PDHX: variants seen among roughly 807,000 people sequenced by gnomAD.
PDHX encodes the protein pyruvate dehydrogenase protein X component, mitochondrial.
A neutral mutation model predicts 55.3 loss-of-function variants in PDHX; 33 were observed. The observed-to-expected ratio is 0.60, with a 90% CI of 0.45 to 0.80. The LOEUF (loss-of-function observed/expected upper bound fraction) is 0.80, where lower values mean the gene tolerates loss of function less well. PDHX is among the 30% of genes least tolerant of loss of function. The probability of loss-of-function intolerance (pLI) is 0.00; values close to 1 mark genes in which losing one functional copy is unlikely to be tolerated. For synonymous variants in PDHX, 226 were observed against 219.4 expected, an observed-to-expected ratio of 1.03 and a Z score of -0.27; for missense variants, 622 against 619.9, an observed-to-expected ratio of 1.00 and a Z score of -0.04.
At chr11:34,916,329 T>A (rs1853693951), upstream of PDHX, 3 of 1,605,684 alleles carry the variant, frequency 1.9e-6, no homozygotes, top group East Asian at 6.7e-5. Flanking sequence ...CCGCACGGCT[T>A]TGCGCGCGGC....
chr11:34,982,487 G>T (rs144849582), intron 8 of PDHX, among the ~76,000 whole-genome samples: 1 of 151,998 alleles, frequency 6.6e-6, no homozygotes, highest in African/African-American at 2.4e-5. Context: ...CCGGGAGCTG[G>T]TTTTTTTGAA....
intron 1 of PDHX, among the ~76,000 whole-genome samples, chr11:34,922,833 A>G (rs1477269925): frequency 6.6e-6 from 1 of 150,640 alleles, no homozygotes; most frequent in Non-Finnish European, 1.5e-5. Context: ...TTTGCCTTTT[A>G]CGACAAAATG....
At chr11:34,920,573 C>T (rs571095260) in intron 1 of PDHX, among the ~76,000 whole-genome samples, 9 of 152,212 alleles carry the variant, frequency 5.9e-5, no homozygotes, top group African/African-American at 2.2e-4. Flanking sequence ...TTTTTGTTCT[C>T]TCTTTAAAAT....
chr11:34,970,435 T>C (rs1855233631), intron 7 of PDHX, 149 bp downstream of exon 7: 2 of 685,538 alleles, frequency 2.9e-6, no homozygotes, highest in Non-Finnish European at 4.9e-6. Flanking sequence ...GGTATATTTG[T>C]GCTAGAGGAA....
At chr11:34,993,171 A>T (rs1391543450) in intron 10 of PDHX, among the ~76,000 whole-genome samples, 1 of 151,974 alleles carries the variant, frequency 6.6e-6, no homozygotes, top group Non-Finnish European at 1.5e-5. Flanking sequence ...TAAAAAAATG[A>T]TGTATAGTTC....
At chr11:34,969,722 C>T (rs11032957) in intron 6 of PDHX, among the ~76,000 whole-genome samples, 1 of 151,386 alleles carries the variant, frequency 6.6e-6, no homozygotes, top group African/African-American at 2.4e-5. Context: ...CTTCTCTCTC[C>T]TCTCTCTCTC....
At chr11:34,940,286 C>T (rs1854442508) in intron 2 of PDHX, among the ~76,000 whole-genome samples, 1 of 152,130 alleles carries the variant, frequency 6.6e-6, no homozygotes, top group African/African-American at 2.4e-5. Flanking sequence ...TGTCATGAGA[C>T]AAGGGATTTT....
Position 34,950,666 on chromosome 11 carries a change from A to G in PDHX, c.342+3060A>G, listed in dbSNP as rs1238514261. Among the ~76,000 whole-genome samples, 559 of 151,348 alleles carry G rather than the reference A, an allele frequency of 3.7e-3. 3 individuals carry two copies. The highest frequency in any genetic ancestry group is 9.2e-3 in the Admixed American group (140 of 15,172). ...TTGTGATAGTTTACTGAGAATGATGATTTCCAGTTTCATCCATGTCCCTAC... is the reference window on the plus strand; with the variant it reads ...TTGTGATAGTTTACTGAGAATGATGGTTTCCAGTTTCATCCATGTCCCTAC... On this transcript the variant is annotated intron_variant, in intron 3 of 10. Coordinates refer to ENST00000227868, the MANE Select transcript of PDHX (RefSeq NM_003477.3).
In PDHX at chr11:34,933,256, C is replaced by G. The variant is rs368289270; in HGVS notation, c.241+1772C>G. ...AGGTGATTCTAATTCATTTTTTTCT[C>G]TCTCTTTTTCTCTCTCTCAATTTGC... On this transcript the variant is annotated intron_variant, in intron 2 of 10. Coordinates refer to ENST00000227868, the MANE Select transcript of PDHX (RefSeq NM_003477.3). Among the ~76,000 whole-genome samples, 68 of 152,172 alleles carry G rather than the reference C, an allele frequency of 4.5e-4. 1 individual carries two copies. The highest frequency in any genetic ancestry group is 1.5e-3 in the African/African-American group (64 of 41,532).
chr11:34,959,987 A>G (rs1318611843), intron 4 of PDHX, among the ~76,000 whole-genome samples: 1 of 152,212 alleles, frequency 6.6e-6, no homozygotes, highest in Non-Finnish European at 1.5e-5. Context: ...TGGTTGCACA[A>G]TAGTGTGATT....
upstream of PDHX, chr11:34,916,092 G>A: frequency 1.7e-6 from 2 of 1,163,222 alleles, no homozygotes; most frequent in Admixed American, 2.6e-5. Context: ...GTGCGCCGGG[G>A]TAGCGAACGG....
chr11:34,951,821 A>T (rs1174348865), intron 3 of PDHX, among the ~76,000 whole-genome samples: 1 of 152,076 alleles, frequency 6.6e-6, no homozygotes, highest in Non-Finnish European at 1.5e-5. Flanking sequence ...TAGGGTTTTT[A>T]TGGTTTTAGG....
chr11:34,975,380 C>A (rs755205034), intron 7 of PDHX, among the ~76,000 whole-genome samples: 6 of 152,000 alleles, frequency 3.9e-5, no homozygotes, highest in Non-Finnish European at 8.8e-5. Flanking sequence ...AAATGTTAGA[C>A]TTTTTGAATT....
At chr11:34,927,849 T>TG (rs1286591657) in intron 1 of PDHX, among the ~76,000 whole-genome samples, 2 of 152,112 alleles carry the variant, frequency 1.3e-5, no homozygotes, top group Non-Finnish European at 2.9e-5. Context: ...TTTCTTTGGT[T>TG]TTTGTCACCT....
intron 8 of PDHX, among the ~76,000 whole-genome samples, chr11:34,982,863 A>T (rs1412315441): frequency 6.6e-6 from 1 of 152,218 alleles, no homozygotes; most frequent in Non-Finnish European, 1.5e-5. Context: ...AGCTGTTACC[A>T]TTCCTTCTGA....
chr11:34,923,128 T>A (rs1319554104), intron 1 of PDHX, among the ~76,000 whole-genome samples: 1 of 152,172 alleles, frequency 6.6e-6, no homozygotes, highest in Non-Finnish European at 1.5e-5. Flanking sequence ...TCTTTTCTAA[T>A]GTGCCATTGG....
At chr11:34,966,029 G>A (rs892945778) in intron 5 of PDHX, among the ~76,000 whole-genome samples, 7 of 152,046 alleles carry the variant, frequency 4.6e-5, no homozygotes, top group African/African-American at 1.7e-4. Flanking sequence ...GTTTTACAGA[G>A]TAATACAAAG....
At chr11:34,946,179 C>T (rs192337627) in intron 2 of PDHX, among the ~76,000 whole-genome samples, 35 of 152,348 alleles carry the variant, frequency 2.3e-4, no homozygotes, top group South Asian at 1.2e-3. Context: ...TTCATACCTT[C>T]ACTATTCCCT....
chr11:34,960,341 G>C, intron 4 of PDHX, 79 bp from the exon 5 acceptor site: 1 of 923,970 alleles, frequency 1.1e-6, no homozygotes, highest in Non-Finnish European at 1.7e-6. Context: ...AATTATTTGC[G>C]AAACTGTTGA....
Sources: allele counts gnomAD v4.1 joint callset (sites outside exome capture counted in the v4.1 genomes callset), GRCh38; gene constraint gnomAD v4.1.1; transcripts MANE v1.5; gene names NCBI Gene and HGNC (gene_info 2026-07-23, HGNC 2026-07-21).